Variants in RANBP2 observed in about 807,000 individuals in gnomAD.
The protein encoded by RANBP2 is RAN binding protein 2.
Under a neutral mutation model 303.6 loss-of-function variants are expected in RANBP2, and 57 were observed. The ratio of observed to expected loss-of-function variants is 0.19; its 90% CI spans 0.15 to 0.23. The LOEUF (loss-of-function observed/expected upper bound fraction) is 0.23. Ranked by LOEUF, RANBP2 falls within the 10% of genes least tolerant of loss-of-function variation. The pLI is 1.00. For missense variants in RANBP2, 3,138 were observed against 3,780.8 expected (o/e 0.83, Z 4.46); for synonymous variants, 1,167 against 1,301.5 (o/e 0.90, Z 2.23).
chr2:108,744,222 G>A (rs1301835264), intron 7 of RANBP2, among the ~76,000 whole-genome samples: 2 of 152,150 alleles, frequency 1.3e-5, no homozygotes, highest in African/African-American at 4.8e-5. Context: ...TGACCAACAT[G>A]GTCAAACCCC....
At chr2:108,929,510 G>T in the RANBP2 span, 1 of 991,906 alleles carries the variant, frequency 1.0e-6, no homozygotes, top group Non-Finnish European at 1.6e-6. Context: ...TTGGTTTCCT[G>T]AGTTGTCCTA....
the RANBP2 span, among the ~76,000 whole-genome samples, chr2:109,136,001 A>T: frequency 1.3e-5 from 2 of 152,188 alleles, no homozygotes; most frequent in Non-Finnish European, 2.9e-5. Context: ...TCCGTAGGAC[A>T]CAATAGCTTG....
At chr2:109,229,035 C>T in the RANBP2 span, among the ~76,000 whole-genome samples, 3 of 152,116 alleles carry the variant, frequency 2.0e-5, no homozygotes, top group African/African-American at 7.2e-5. Flanking sequence ...AAAAGGTTTC[C>T]ATCACCCAGC....
the RANBP2 span, among the ~76,000 whole-genome samples, chr2:109,279,581 G>T: frequency 6.6e-6 from 1 of 152,176 alleles, no homozygotes; most frequent in African/African-American, 2.4e-5. Context: ...GTTGCCTAGT[G>T]GGTGGGATTT....
the RANBP2 span, among the ~76,000 whole-genome samples, chr2:109,733,949 CG>C: frequency 6.6e-6 from 1 of 151,602 alleles, no homozygotes; most frequent in African/African-American, 2.4e-5. Context: ...ACGTGGGCCG[CG>C]GGCGGATCAC....
At chr2:109,494,638 G>A in the RANBP2 span, among the ~76,000 whole-genome samples, 348 of 152,310 alleles carry the variant, frequency 2.3e-3, no homozygotes, top group African/African-American at 7.0e-3. Flanking sequence ...ACACTCAGCT[G>A]CCAAGCACTC....
chr2:109,156,367 G>A, the RANBP2 span, among the ~76,000 whole-genome samples: 2 of 152,270 alleles, frequency 1.3e-5, no homozygotes, highest in Admixed American at 1.3e-4. Flanking sequence ...TCTTGCTGGA[G>A]AAGGAAGTAT....
At chr2:108,946,309 C>T in the RANBP2 span, among the ~76,000 whole-genome samples, 1 of 152,218 alleles carries the variant, frequency 6.6e-6, no homozygotes, top group Non-Finnish European at 1.5e-5. Flanking sequence ...GGAGTAGCAC[C>T]TGGGACAACA....
the RANBP2 span, among the ~76,000 whole-genome samples, chr2:109,117,587 C>T: frequency 7.2e-5 from 11 of 152,344 alleles, no homozygotes; most frequent in African/African-American, 1.7e-4. Context: ...TTGCGCTTCC[C>T]GAGGGAGGCA....
chr2:108,782,426 C>G, intron 27 of RANBP2, 25 bp downstream of exon 27: 1 of 1,613,804 alleles, frequency 6.2e-7, no homozygotes. Context: ...TCAAATGCTA[C>G]TTTTCATTTT....
At chr2:108,937,927 C>A in the RANBP2 span, among the ~76,000 whole-genome samples, 1 of 152,196 alleles carries the variant, frequency 6.6e-6, no homozygotes, top group Non-Finnish European at 1.5e-5. Flanking sequence ...AGTTTAAAAT[C>A]CAAGTTCCCA....
rs749996744 is a variant in RANBP2, at chr2:108,749,008, A to G, written c.1152A>G (p.Ala384=). ...TTGCCAACAAAAGCGGGCAGTCTGC[A>G]TTATATGATGCTCTGTTTTCTAGTC... is the stretch of plus-strand genomic sequence containing the variant. The part of the protein sequence containing the change: ...ETFANKSGQS[A]LYDALFSSQS... Residue 384 remains alanine, a synonymous_variant, in exon 9 of 29, where the codon GCA becomes GCG. Transcript: ENST00000283195. 25 of 1,611,858 alleles carry G rather than the reference A, an allele frequency of 1.6e-5. No individual in the cohort carries two copies. The East Asian group carries it at 3.8e-4, about 24-fold the overall frequency.
chr2:109,300,799 A>G, the RANBP2 span, among the ~76,000 whole-genome samples: 1 of 152,216 alleles, frequency 6.6e-6, no homozygotes, highest in African/African-American at 2.4e-5. Context: ...AGTGAGTGTC[A>G]TCACCTAGAG....
chr2:108,786,882 C>A (rs777532596), downstream of RANBP2: 6 of 1,569,048 alleles, frequency 3.8e-6, no homozygotes, highest in African/African-American at 1.4e-5. Flanking sequence ...GTCTCAAAAG[C>A]CGCTACGGAC....
At chr2:109,271,357 A>G in the RANBP2 span, among the ~76,000 whole-genome samples, 4 of 152,314 alleles carry the variant, frequency 2.6e-5, no homozygotes, top group East Asian at 7.7e-4. Flanking sequence ...ACCTAGAGGG[A>G]TGTGCAAAGA....
At chr2:109,625,137 C>T in the RANBP2 span, among the ~76,000 whole-genome samples, 6 of 135,992 alleles carry the variant, frequency 4.4e-5, no homozygotes, top group African/African-American at 1.3e-4. Context: ...GAAAAAGAAA[C>T]GCATAATCTC....
At chr2:109,115,881 C>A in the RANBP2 span, among the ~76,000 whole-genome samples, 2 of 146,902 alleles carry the variant, frequency 1.4e-5, no homozygotes, top group Non-Finnish European at 3.0e-5. Flanking sequence ...ATTTATCCTT[C>A]ATTTATGAAG....
the RANBP2 span, among the ~76,000 whole-genome samples, chr2:108,865,770 A>G: frequency 6.6e-6 from 1 of 152,128 alleles, no homozygotes; most frequent in Non-Finnish European, 1.5e-5. Flanking sequence ...GGTAGAAGCT[A>G]AAGAGCTGGG....
the RANBP2 span, among the ~76,000 whole-genome samples, chr2:109,256,407 T>C: frequency 6.6e-6 from 1 of 152,166 alleles, no homozygotes; most frequent in African/African-American, 2.4e-5. Flanking sequence ...TGTCCTCCCC[T>C]GCAAGGAAGG....
Sources: gnomAD v4.1 joint callset for allele counts (sites outside exome capture counted in the v4.1 genomes callset) on GRCh38, gnomAD v4.1.1 for gene constraint, MANE v1.5 for transcripts, NCBI Gene and HGNC (gene_info 2026-07-23, HGNC 2026-07-21) for gene names.